Variants in SHROOM4 observed in about 807,000 individuals in gnomAD.
SHROOM4 encodes protein Shroom4.
SHROOM4 carries 17 observed loss-of-function variants against 80.3 expected under a neutral mutation model. That is an observed-to-expected ratio of 0.21 (90% CI 0.14 to 0.32). The LOEUF is 0.32. Among genes scored for constraint, SHROOM4 ranks in the 10% least tolerant of loss-of-function variants. SHROOM4 has a pLI of 1.00. For missense variants in SHROOM4, 993 were observed against 1,140.3 expected, an observed-to-expected ratio of 0.87 and a Z score of 1.86; for synonymous variants, 400 against 437.5, an observed-to-expected ratio of 0.91 and a Z score of 1.07.
chrX:50,721,251 A>G (rs887198082), intron 1 of SHROOM4, among the ~76,000 whole-genome samples: 2 of 112,440 alleles, frequency 1.8e-5, no homozygotes, highest in Non-Finnish European at 3.8e-5. Context: ...TTGCACAAGA[A>G]AGAATTCAGA....
At chrX:50,630,227 T>A (rs1557253877) in intron 4 of SHROOM4, among the ~76,000 whole-genome samples, 1 of 109,943 alleles carries the variant, frequency 9.1e-6, no homozygotes, top group Non-Finnish European at 1.9e-5. Flanking sequence ...ATCTCCTCAC[T>A]TCCCCCGCCC....
intron 1 of SHROOM4, among the ~76,000 whole-genome samples, chrX:50,702,507 T>C (rs1933544295): frequency 8.9e-6 from 1 of 111,841 alleles, no homozygotes; most frequent in Non-Finnish European, 1.9e-5. Context: ...TGTAATAAAA[T>C]GAATGTCTAA....
rs1407357016 is a variant in SHROOM4, at chrX:50,814,122, C to A, written c.-104G>T. ...ATCGCCCTCCAGCTCTACGCCACCCCGCACCGCCCTGCTCCGCCTACTCTC... is the reference window on the plus strand; with the variant it reads ...ATCGCCCTCCAGCTCTACGCCACCCAGCACCGCCCTGCTCCGCCTACTCTC... On this transcript the variant is annotated 5_prime_UTR_variant, in exon 1 of 9. Transcript: ENST00000376020. 3.6e-6 allele frequency: 2 copies of A among 558,037 alleles called. No individual in the cohort carries two copies. The highest frequency in any genetic ancestry group is 3.1e-6 in the Non-Finnish European group (1 of 322,680). 46.0% of individuals were successfully genotyped at this position (558,037 alleles called of 1,213,427 possible).
chrX:50,622,994 C>T (rs782664360), intron 5 of SHROOM4, among the ~76,000 whole-genome samples: 11 of 111,908 alleles, frequency 9.8e-5, no homozygotes, highest in African/African-American at 2.9e-4. Context: ...TCCTCACTTT[C>T]TGAATCAGTA....
At chrX:50,721,813 T>C (rs1221130064) in intron 1 of SHROOM4, among the ~76,000 whole-genome samples, 1 of 111,605 alleles carries the variant, frequency 9.0e-6, no homozygotes, top group Admixed American at 9.5e-5. Context: ...TCTACCCCCA[T>C]AGCCCTTAAA....
chrX:50,623,300 G>T (rs1930654577), intron 5 of SHROOM4, among the ~76,000 whole-genome samples: 1 of 110,985 alleles, frequency 9.0e-6, no homozygotes, highest in African/African-American at 3.3e-5. Flanking sequence ...CGATTCTCCT[G>T]CCTCAGCCTC....
rs1934945790 is a variant in SHROOM4, at chrX:50,752,542, GAA to G, written c.118-56607_118-56606del. ...TTTCCACCCTAAAAGGTTAAAAAAA[GAA>G]ACTTACCTTCTACAAGGACCCTCTT... On this transcript the variant is annotated intron_variant, in intron 1 of 8. Coordinates refer to ENST00000376020, the MANE Select transcript of SHROOM4 (RefSeq NM_020717.5). 8.1e-5 allele frequency among the ~76,000 whole-genome samples: 9 copies of G among 111,730 alleles called. No individual in the cohort carries two copies. In the South Asian group the frequency reaches 3.4e-3, roughly 42 times the overall value.
chrX:50,779,884 A>C (rs1298140858), intron 1 of SHROOM4, among the ~76,000 whole-genome samples: 2 of 111,250 alleles, frequency 1.8e-5, no homozygotes, highest in Non-Finnish European at 3.8e-5. Flanking sequence ...CTGGAAGGGG[A>C]ATGTGGGGAG....
intron 1 of SHROOM4, among the ~76,000 whole-genome samples, chrX:50,720,798 C>T (rs782337723): frequency 5.4e-5 from 6 of 111,042 alleles, no homozygotes; most frequent in South Asian, 7.8e-4. Flanking sequence ...AGATGGAAAG[C>T]GCATTCATTC....
Position 50,590,560 on chromosome X carries a change from C to T in SHROOM4, c.*6135G>A, listed in dbSNP as rs1448215825. Among the ~76,000 whole-genome samples the T allele has an allele frequency of 3.6e-5, 4 of 111,917 alleles. No homozygotes were observed. The highest frequency in any genetic ancestry group is 1.3e-4 in the African/African-American group (4 of 30,802). ...CCACCGCGCCTGGCCGAGACCAGAT[C>T]CCTTTCTGTCTTTGCTGAGGACACA... On this transcript the variant is annotated 3_prime_UTR_variant, in exon 9 of 9. Transcript: ENST00000376020.
chrX:50,762,041 TGCTCTACTATA>T (rs1171310901), intron 1 of SHROOM4, among the ~76,000 whole-genome samples: 2 of 112,202 alleles, frequency 1.8e-5, no homozygotes, highest in East Asian at 5.6e-4. Context: ...TTTACAAATT[TGCTCTACTATA>T]GCTCCATTTC....
chrX:50,697,368 C>T (rs1557263142), intron 1 of SHROOM4, among the ~76,000 whole-genome samples: 1 of 111,429 alleles, frequency 9.0e-6, no homozygotes, highest in Non-Finnish European at 1.9e-5. Flanking sequence ...CTCTCTCAGT[C>T]TTTTATAATG....
chrX:50,773,678 T>C (rs1935443629), intron 1 of SHROOM4, among the ~76,000 whole-genome samples: 1 of 112,059 alleles, frequency 8.9e-6, no homozygotes, highest in Admixed American at 9.5e-5. Flanking sequence ...AATATACTAA[T>C]CTCAACAATA....
intron 2 of SHROOM4, among the ~76,000 whole-genome samples, chrX:50,648,593 G>A (rs1366125403): frequency 2.7e-5 from 3 of 112,096 alleles, no homozygotes; most frequent in Non-Finnish European, 5.6e-5. Context: ...AACAAAATGA[G>A]AGTCAAAAGA....
At chrX:50,668,500 G>A (rs1932755922) in intron 2 of SHROOM4, among the ~76,000 whole-genome samples, 1 of 111,796 alleles carries the variant, frequency 8.9e-6, no homozygotes, top group Non-Finnish European at 1.9e-5. Context: ...GAGGAAGCCA[G>A]CTAAAACAAG....
At chrX:50,674,434 C>T (rs1278360638) in intron 2 of SHROOM4, among the ~76,000 whole-genome samples, 1 of 111,270 alleles carries the variant, frequency 9.0e-6, no homozygotes, top group Non-Finnish European at 1.9e-5. Context: ...ATATGCCAAA[C>T]TTATTTTTGA....
intron 1 of SHROOM4, among the ~76,000 whole-genome samples, chrX:50,780,391 C>A (rs1308588125): frequency 9.0e-6 from 1 of 111,385 alleles, no homozygotes; most frequent in African/African-American, 3.3e-5. Context: ...AAGGTGAGTT[C>A]TATCTGAAAA....
At chrX:50,653,954 G>T (rs782367294) in intron 2 of SHROOM4, among the ~76,000 whole-genome samples, 2 of 111,772 alleles carry the variant, frequency 1.8e-5, no homozygotes, top group South Asian at 7.5e-4. Context: ...TCTAATGCAC[G>T]CTCATAAGTT....
chrX:50,599,008 TTG>T (rs57494031), intron 7 of SHROOM4, among the ~76,000 whole-genome samples: 3,128 of 98,623 alleles, frequency 0.032, 126 homozygotes, highest in African/African-American at 0.11. Flanking sequence ...GTGTGTGTGT[TTG>T]TGTGTGTGTG....
Sources: allele counts gnomAD v4.1 joint callset (sites outside exome capture counted in the v4.1 genomes callset), GRCh38; gene constraint gnomAD v4.1.1; transcripts MANE v1.5; gene names NCBI Gene and HGNC (gene_info 2026-07-23, HGNC 2026-07-21).